Variants in ADGRL3 observed in about 807,000 individuals in gnomAD.
ADGRL3 encodes calcium-independent alpha-latrotoxin receptor 3.
Under a neutral mutation model 153.5 loss-of-function variants are expected in ADGRL3, and 62 were observed. The ratio of observed to expected loss-of-function variants is 0.40; its 90% CI spans 0.33 to 0.50. The LOEUF (loss-of-function observed/expected upper bound fraction) is 0.50, where lower values mean the gene tolerates loss of function less well. Ranked by LOEUF, ADGRL3 falls within the 20% of genes least tolerant of loss-of-function variation. The pLI is 0.47. For synonymous variants in ADGRL3, 710 were observed against 672.5 expected, an observed-to-expected ratio of 1.06 and a Z score of -0.86; for missense variants, 1,641 against 1,859.4, an observed-to-expected ratio of 0.88 and a Z score of 2.16.
chr4:61,236,008 C>CTTTTTTTTTTTTTTTTTTTTT lies in ADGRL3; in HGVS notation c.-240+34262_-240+34263insTTTTTTTTTTTTTTTTTTTTT, dbSNP rs55932029. Among the ~76,000 whole-genome samples, 6 of 95,902 alleles carry CTTTTTTTTTTTTTTTTTTTTT rather than the reference C, an allele frequency of 6.3e-5. 1 individual carries two copies. Among genetic ancestry groups the CTTTTTTTTTTTTTTTTTTTTT allele is most frequent in the African/African-American group, 4.1e-5 (1 of 24,270 alleles). The allele number at this position is 95,902 out of a possible 152,430, so 62.9% of individuals were successfully genotyped here. A position where few individuals can be genotyped will look rare whatever the true frequency, so the allele number is the denominator to read the frequency against. On this transcript the variant is annotated intron_variant, in intron 1 of 26. Transcript: ENST00000683033. Reference sequence around the variant, plus strand: ...TCTTTATCAGTGTTTCTTTTCTTTTCTTTTTTTTTTTTTTTTTTTGAGATT... The same window carrying CTTTTTTTTTTTTTTTTTTTTT: ...TCTTTATCAGTGTTTCTTTTCTTTTCTTTTTTTTTTTTTTTTTTTTTTTTTTTTTTTTTTTTTTTTGAGATT...
intron 19 of ADGRL3, among the ~76,000 whole-genome samples, chr4:61,986,253 T>C (rs530313963): frequency 6.6e-6 from 1 of 152,316 alleles, no homozygotes; most frequent in East Asian, 1.9e-4. Flanking sequence ...CTATTTCAAA[T>C]ATTGTTGCTA....
chr4:61,971,402 G>C (rs1378473267), intron 17 of ADGRL3, among the ~76,000 whole-genome samples: 1 of 152,058 alleles, frequency 6.6e-6, no homozygotes, highest in African/African-American at 2.4e-5. Flanking sequence ...GTGAGAACAT[G>C]TGGTGTTTGG....
intron 4 of ADGRL3, among the ~76,000 whole-genome samples, chr4:61,520,652 C>G (rs943576703): frequency 2.6e-4 from 31 of 118,572 alleles, no homozygotes; most frequent in Admixed American, 5.9e-4. Context: ...CTATAAACCT[C>G]TGTGTGTGTG....
Position 61,630,141 on chromosome 4 carries a change from A to T in ADGRL3, c.473+42701A>T, listed in dbSNP as rs533103273. The stretch of plus-strand genomic sequence containing the variant: ...TCCTGGATTTTAGTGTACTGTATAG[A>T]TTGGAACAGAGTATTATCCCAGTTT... On this transcript the variant is annotated intron_variant, in intron 5 of 26. Transcript: ENST00000683033. Among the ~76,000 whole-genome samples the T allele has an allele frequency of 1.2e-3, 190 of 152,280 alleles. 1 individual carries two copies. Among genetic ancestry groups the T allele is most frequent in the Middle Eastern group, 3.4e-3 (1 of 294 alleles).
chr4:61,395,632 A>G (rs912334019), intron 2 of ADGRL3, among the ~76,000 whole-genome samples: 1 of 151,994 alleles, frequency 6.6e-6, no homozygotes, highest in Non-Finnish European at 1.5e-5. Context: ...TAAAAACATG[A>G]AGGTTTTAAT....
intron 2 of ADGRL3, among the ~76,000 whole-genome samples, chr4:61,439,269 ACTTAGAAATTTTT>A (rs2097498294): frequency 6.6e-6 from 1 of 152,094 alleles, no homozygotes. Context: ...AGGCCACTGT[ACTTAGAAATTTTT>A]ATAAGAGTAA....
intron 8 of ADGRL3, among the ~76,000 whole-genome samples, chr4:61,767,850 TCA>T (rs1309568239): frequency 6.6e-6 from 1 of 152,100 alleles, no homozygotes; most frequent in East Asian, 1.9e-4. Context: ...GAGGTTTGTC[TCA>T]CAGTGGAGGC....
chr4:61,340,072 T>G (rs1190161520), intron 1 of ADGRL3, among the ~76,000 whole-genome samples: 1 of 152,222 alleles, frequency 6.6e-6, no homozygotes, highest in East Asian at 1.9e-4. Context: ...ATTCTGCACT[T>G]CATAAAGTAT....
chr4:62,045,694 T>C (rs1730757211), intron 25 of ADGRL3, among the ~76,000 whole-genome samples: 1 of 151,868 alleles, frequency 6.6e-6, no homozygotes, highest in African/African-American at 2.4e-5. Flanking sequence ...CTTAATTGAG[T>C]TTCATGTATT....
At chr4:61,479,814 G>A (rs974961637) in intron 2 of ADGRL3, among the ~76,000 whole-genome samples, 1 of 151,810 alleles carries the variant, frequency 6.6e-6, no homozygotes, top group African/African-American at 2.4e-5. Context: ...TTTTTTATTA[G>A]CATGCTTGTT....
chr4:61,894,916 A>G (rs772853333), intron 10 of ADGRL3, among the ~76,000 whole-genome samples: 10 of 152,182 alleles, frequency 6.6e-5, no homozygotes, highest in Non-Finnish European at 1.0e-4. Flanking sequence ...AATGATAGAC[A>G]AGGGAGTTTA....
chr4:61,420,457 A>G (rs2097191215), intron 2 of ADGRL3: 1 of 131,844 alleles, frequency 7.6e-6, no homozygotes, highest in Admixed American at 8.4e-5. Context: ...CCCAGGCTGA[A>G]GTGCAGTGGC....
intron 24 of ADGRL3, among the ~76,000 whole-genome samples, chr4:62,043,539 CT>C (rs1729518180): frequency 6.6e-6 from 1 of 152,076 alleles, no homozygotes; most frequent in East Asian, 1.9e-4. Flanking sequence ...AGATTGATTA[CT>C]CCCATTATTC....
rs58289743 is a variant in ADGRL3, at chr4:61,259,423, A to AAAATAAAT, written c.-240+57697_-240+57704dup. Among the ~76,000 whole-genome samples the AAAATAAAT allele has an allele frequency of 2.0e-3, 290 of 142,898 alleles. 1 individual carries two copies. Among genetic ancestry groups the AAAATAAAT allele is most frequent in the Middle Eastern group, 3.6e-3 (1 of 278 alleles). 93.7% of individuals were successfully genotyped at this position (142,898 alleles called of 152,430 possible). On this transcript the variant is annotated intron_variant, in intron 1 of 26. Transcript: ENST00000683033. The stretch of plus-strand genomic sequence containing the variant: ...GGGCGACAGAGTGAGACTCTGTCTC[A>AAAATAAAT]AAATAAATAAATAAATAAATAAATA...
At chr4:61,213,396 A>C (rs916373206) in intron 1 of ADGRL3, among the ~76,000 whole-genome samples, 6 of 152,080 alleles carry the variant, frequency 3.9e-5, no homozygotes, top group African/African-American at 1.4e-4. Context: ...TAATGGCTGA[A>C]TTTTGATTCC....
At chr4:61,971,853 T>C (rs374845355) in intron 17 of ADGRL3, among the ~76,000 whole-genome samples, 2 of 152,118 alleles carry the variant, frequency 1.3e-5, no homozygotes, top group African/African-American at 2.4e-5. Flanking sequence ...GCCATTCTAA[T>C]TGGTGTGAGA....
At position 61,813,856 on chromosome 4, in the gene ADGRL3, C is replaced by T; in HGVS notation, c.1447C>T (p.Leu483Phe). ...QVSYISPPIH[L>F]DSELERPSVK... ...TTCATACATTTCTCCGCCAATTCAC[C>T]TTGACTCTGAGCTAGAAAGACCCTC... The change falls in exon 9 of 27, where the codon CTT (leucine) becomes TTT (phenylalanine). Residue 483 changes from leucine (L) to phenylalanine (F), a missense_variant. Leu to Phe is a conservative substitution (Grantham distance 22, BLOSUM62 0). Coordinates refer to ENST00000683033, the MANE Select transcript of ADGRL3 (RefSeq NM_001387552.1). 2 of 1,578,856 alleles carry T rather than the reference C, an allele frequency of 1.3e-6. No individual in the cohort carries two copies. The highest frequency in any genetic ancestry group is 1.7e-6 in the Non-Finnish European group (2 of 1,148,052).
Position 61,813,805 on chromosome 4 carries a change from A to G in ADGRL3, c.1400-4A>G. ...CTTCTTAACAATTTGTTTTGGGTCC[A>G]CAGGGCAGGCACATCATGGACAAGT... On this transcript the variant is annotated splice_region_variant and splice_polypyrimidine_tract_variant and intron_variant, in intron 8 of 26. Coordinates refer to ENST00000683033, the MANE Select transcript of ADGRL3 (RefSeq NM_001387552.1). 3.7e-6 allele frequency: 6 copies of G among 1,600,640 alleles called. No homozygotes were observed. Among genetic ancestry groups the G allele is most frequent in the Non-Finnish European group, 5.1e-6 (6 of 1,167,924 alleles).
intron 2 of ADGRL3, among the ~76,000 whole-genome samples, chr4:61,438,497 A>ACTT (rs1461184880): frequency 1.3e-5 from 2 of 151,700 alleles, no homozygotes; most frequent in Non-Finnish European, 2.9e-5. Flanking sequence ...TCAGAAATGA[A>ACTT]CTTATTTTAT....
Sources: allele counts gnomAD v4.1 joint callset (sites outside exome capture counted in the v4.1 genomes callset), GRCh38; gene constraint gnomAD v4.1.1; transcripts MANE v1.5; gene names NCBI Gene and HGNC (gene_info 2026-07-23, HGNC 2026-07-21).